The following CAB39L variants were observed in gnomAD, a reference collection of about 807,000 sequenced individuals.
CAB39L encodes calcium binding protein 39 like.
A neutral mutation model predicts 39.1 loss-of-function variants in CAB39L; 23 were observed. The observed-to-expected ratio is 0.59, with a 90% confidence interval of 0.42 to 0.83. CAB39L has a LOEUF of 0.83. CAB39L is among the 40% of genes least tolerant of loss of function. The pLI is 0.00. For missense variants in CAB39L, 366 were observed against 391.9 expected (o/e 0.93, Z 0.56); for synonymous variants, 126 against 137.2 (o/e 0.92, Z 0.57).
At chr13:49,371,189 CTTT>C (rs386379129) in intron 5 of CAB39L, among the ~76,000 whole-genome samples, 4 of 102,232 alleles carry the variant, frequency 3.9e-5, no homozygotes, top group Non-Finnish European at 4.1e-5. Flanking sequence ...CTTTTTCTTT[CTTT>C]TTTTTTTTTT....
At chr13:49,346,077 TATATATATATATATATATGCTAG>T (rs1371756137) in intron 7 of CAB39L, among the ~76,000 whole-genome samples, 4 of 27,938 alleles carry the variant, frequency 1.4e-4, no homozygotes, top group East Asian at 1.4e-3. Context: ...ATATGCTAGA[TATATATATATATATATATGCTAG>T]ATATATATAT....
At chr13:49,328,586 T>A (rs1045318294) in intron 10 of CAB39L, among the ~76,000 whole-genome samples, 6 of 152,116 alleles carry the variant, frequency 3.9e-5, no homozygotes, top group African/African-American at 1.4e-4. Context: ...TACCCAGCCA[T>A]AATAGAGGCC....
In CAB39L at chr13:49,309,810, G is replaced by A. The variant is rs1953935481; in HGVS notation, c.*1004C>T. The stretch of plus-strand genomic sequence containing the variant: ...TATCAACATCTGATACAATGGCTCT[G>A]AAAAAAATTTATTGATGGATCTGAG... On this transcript the variant is annotated 3_prime_UTR_variant, in exon 11 of 11. Transcript: ENST00000409308. 1 of 152,060 alleles carries A rather than the reference G, an allele frequency of 6.6e-6. No individual in the cohort carries two copies. Among genetic ancestry groups the A allele is most frequent in the Admixed American group, 6.5e-5 (1 of 15,274 alleles). The allele number at this position is 152,060 out of a possible 1,614,324, so 9.4% of individuals were successfully genotyped here.
rs571800313 is a variant in CAB39L at position 49,309,800 on chromosome 13, C to T, written c.*1014G>A. The T allele has an allele frequency of 6.6e-6, 1 of 152,240 alleles. No individual in the cohort carries two copies. The highest frequency in any genetic ancestry group is 1.9e-4 in the East Asian group (1 of 5,182). The allele number at this position is 152,240 out of a possible 1,614,324, so 9.4% of individuals were successfully genotyped here. On this transcript the variant is annotated 3_prime_UTR_variant, in exon 11 of 11. Transcript: ENST00000409308. ...AAATTGCTTTTATCAACATCTGATACAATGGCTCTGAAAAAAATTTATTGA... is the reference window on the plus strand; with the variant it reads ...AAATTGCTTTTATCAACATCTGATATAATGGCTCTGAAAAAAATTTATTGA...
At chr13:49,411,234 C>A (rs146267768) in intron 3 of CAB39L, among the ~76,000 whole-genome samples, 24 of 151,884 alleles carry the variant, frequency 1.6e-4, no homozygotes, top group Non-Finnish European at 2.8e-4. Context: ...CATAGTGAGA[C>A]CTCGTCTCTA....
chr13:49,436,995 T>C (rs1427641449), intron 1 of CAB39L, among the ~76,000 whole-genome samples: 4 of 152,172 alleles, frequency 2.6e-5, no homozygotes, highest in African/African-American at 9.7e-5. Flanking sequence ...GGGCTCGAAC[T>C]CCTGGGCTCA....
chr13:49,425,217 C>T (rs7981810), intron 3 of CAB39L, among the ~76,000 whole-genome samples: 10,624 of 151,756 alleles, frequency 0.07, 636 homozygotes, highest in East Asian at 0.2. Context: ...CATTTTTTTA[C>T]TTTACCTTAG....
chr13:49,380,445 C>G (rs1029562509), intron 4 of CAB39L, among the ~76,000 whole-genome samples: 1 of 152,032 alleles, frequency 6.6e-6, no homozygotes, highest in East Asian at 1.9e-4. Flanking sequence ...TTAAAGAATA[C>G]TAGGCAAATC....
chr13:49,366,581 C>T (rs529617804), intron 5 of CAB39L, among the ~76,000 whole-genome samples: 2 of 135,512 alleles, frequency 1.5e-5, no homozygotes, highest in Admixed American at 1.6e-4. Context: ...GAGCTGACAT[C>T]GTGCCATTGC....
Position 49,346,102 on chromosome 13 carries a change from T to TAG in CAB39L, c.565-1865_565-1864insCT, listed in dbSNP as rs1955158065. 3.0e-4 allele frequency among the ~76,000 whole-genome samples: 10 copies of TAG among 33,528 alleles called. 1 individual carries two copies. Among genetic ancestry groups the TAG allele is most frequent in the South Asian group, 1.1e-3 (1 of 952 alleles). The allele number at this position is 33,528 out of a possible 152,430, so 22.0% of individuals were successfully genotyped here. On this transcript the variant is annotated intron_variant, in intron 7 of 10. Transcript: ENST00000409308. ...TATATATATATATATATATGCTAGA[T>TAG]ATATATATATATATATATATATCAT...
chr13:49,326,075 C>T (rs111607749), intron 10 of CAB39L, among the ~76,000 whole-genome samples: 59 of 152,294 alleles, frequency 3.9e-4, no homozygotes, highest in African/African-American at 1.4e-3. Flanking sequence ...TGGCACTGGC[C>T]ATGCCTGAGT....
intron 1 of CAB39L, among the ~76,000 whole-genome samples, chr13:49,436,262 A>T (rs1316572153): frequency 6.6e-6 from 1 of 152,122 alleles, no homozygotes; most frequent in Non-Finnish European, 1.5e-5. Flanking sequence ...TTCTGGATCA[A>T]TTTTCCCAGT....
intron 1 of CAB39L, among the ~76,000 whole-genome samples, chr13:49,437,858 T>C (rs909583394): frequency 3.3e-5 from 5 of 152,160 alleles, no homozygotes; most frequent in African/African-American, 1.2e-4. Flanking sequence ...TCTCACTCTG[T>C]TGCCCAGGCT....
At chr13:49,388,680 C>G (rs1362496682) in intron 3 of CAB39L, among the ~76,000 whole-genome samples, 3 of 151,984 alleles carry the variant, frequency 2.0e-5, no homozygotes, top group African/African-American at 7.3e-5. Flanking sequence ...TGAAAAGGAG[C>G]CTGTATATTG....
At chr13:49,334,157 C>T (rs190228013) in intron 9 of CAB39L, among the ~76,000 whole-genome samples, 147 of 152,288 alleles carry the variant, frequency 9.7e-4, no homozygotes, top group African/African-American at 3.4e-3. Context: ...ACCCTCACTA[C>T]CTTTCAGCTG....
At chr13:49,346,334 GAA>G (rs58683390) in intron 7 of CAB39L, among the ~76,000 whole-genome samples, 4 of 112,454 alleles carry the variant, frequency 3.6e-5, no homozygotes, top group Admixed American at 9.5e-5. Context: ...ATAACTGAGT[GAA>G]AAAAAAAAAA....
At chr13:49,438,679 C>G (rs1957455885) in intron 1 of CAB39L, among the ~76,000 whole-genome samples, 3 of 152,144 alleles carry the variant, frequency 2.0e-5, no homozygotes, top group Non-Finnish European at 4.4e-5. Flanking sequence ...AAGTGACCTG[C>G]TCTTTTTATT....
At chr13:49,324,634 G>A (rs1384030962) in intron 10 of CAB39L, among the ~76,000 whole-genome samples, 2 of 152,210 alleles carry the variant, frequency 1.3e-5, no homozygotes, top group Non-Finnish European at 2.9e-5. Flanking sequence ...TTGTCTGTGA[G>A]AGCTCAGGCT....
chr13:49,321,543 T>A (rs1472060400), intron 10 of CAB39L, among the ~76,000 whole-genome samples: 1 of 152,326 alleles, frequency 6.6e-6, no homozygotes, highest in East Asian at 1.9e-4. Context: ...CTAGGCTGTG[T>A]GTGCAGCGTG....
Sources: allele counts gnomAD v4.1 joint callset (sites outside exome capture counted in the v4.1 genomes callset), GRCh38; gene constraint gnomAD v4.1.1; transcripts MANE v1.5; gene names NCBI Gene and HGNC (gene_info 2026-07-23, HGNC 2026-07-21).